BIRC6: variants seen among roughly 807,000 people sequenced by gnomAD.
BIRC6 encodes the protein dual E2 ubiquitin-conjugating enzyme/E3 ubiquitin-protein ligase BIRC6.
Under a neutral mutation model 503.3 loss-of-function variants are expected in BIRC6, and 98 were observed. The observed-to-expected ratio is 0.19, with a 90% CI of 0.17 to 0.23. The LOEUF is 0.23. BIRC6 is among the 10% of genes least tolerant of loss of function. The pLI, the probability that BIRC6 is intolerant of heterozygous loss-of-function variation, is 1.00. For missense variants in BIRC6, 5,360 were observed against 5,806.0 expected, an observed-to-expected ratio of 0.92 and a Z score of 2.50; for synonymous variants, 2,240 against 2,078.7, an observed-to-expected ratio of 1.08 and a Z score of -2.11.
chr2:32,563,495 A>C (rs1356879751), intron 65 of BIRC6: 1 of 152,238 alleles, frequency 6.6e-6, no homozygotes, highest in Non-Finnish European at 1.5e-5. Context: ...TATATTTGAA[A>C]AATAAAAACA....
intron 41 of BIRC6, 135 bp downstream of exon 41, chr2:32,487,936 A>C (rs1375040932): frequency 1.4e-6 from 1 of 709,020 alleles, no homozygotes; most frequent in African/African-American, 1.8e-5. Context: ...AATATTAGAA[A>C]TACTTTGATT....
intron 61 of BIRC6, among the ~76,000 whole-genome samples, chr2:32,533,527 A>C (rs2056949588): frequency 6.6e-6 from 1 of 152,230 alleles, no homozygotes. Context: ...GATATTTGCT[A>C]TCAGAAAAGC....
intron 66 of BIRC6, among the ~76,000 whole-genome samples, chr2:32,581,373 G>A (rs2060662850): frequency 6.6e-6 from 1 of 152,154 alleles, no homozygotes; most frequent in Non-Finnish European, 1.5e-5. Flanking sequence ...AAAACTGAAG[G>A]AAATTTTCTT....
chr2:32,369,964 ATATATATATATATATATATATG>A lies in BIRC6; in HGVS notation c.326-7620_326-7599del, dbSNP rs1158768856. Among the ~76,000 whole-genome samples, 61 of 59,738 alleles carry A rather than the reference ATATATATATATATATATATATG, an allele frequency of 1.0e-3. 2 individuals are homozygous for A. The highest frequency in any genetic ancestry group is 7.6e-3 in the Middle Eastern group (1 of 132). 39.2% of individuals were successfully genotyped at this position (59,738 alleles called of 152,430 possible). ...AAAAAAAATATATATATATATATAT[ATATATATATATATATATATATG>A]TATGTATGTATGTGTGTGTATATAT... is the stretch of plus-strand genomic sequence containing the variant. On this transcript the variant is annotated intron_variant, in intron 1 of 73. Transcript: ENST00000421745.
intron 26 of BIRC6, among the ~76,000 whole-genome samples, chr2:32,465,390 A>T (rs1273566119): frequency 3.0e-4 from 45 of 151,838 alleles, no homozygotes; most frequent in African/African-American, 1.1e-3. Context: ...TGATCTATAT[A>T]TGAATCTTGC....
chr2:32,512,840 T>C, intron 53 of BIRC6, 93 bp from the exon 54 acceptor site: 1 of 902,064 alleles, frequency 1.1e-6, no homozygotes, highest in Middle Eastern at 3.2e-4. Flanking sequence ...TTCTCATAAA[T>C]ACCCTACTCA....
Position 32,525,522 on chromosome 2 carries a change from G to T in BIRC6, c.11814G>T (p.Arg3938Ser). The T allele has an allele frequency of 6.2e-7, 1 of 1,613,940 alleles. No individual in the cohort carries two copies. The highest frequency in any genetic ancestry group is 8.5e-7 in the Non-Finnish European group (1 of 1,179,880). Residue 3938 changes from arginine to serine, a missense_variant, in exon 59 of 74, where the codon AGG (arginine) becomes AGT (serine). Transcript: ENST00000421745. Reference sequence around the variant, plus strand: ...CTACACCACCTCGCCCACCATCCAGGAGGGGGAGGACAATACCTGATAAAA... The same window carrying T: ...CTACACCACCTCGCCCACCATCCAGTAGGGGGAGGACAATACCTGATAAAA... The part of the protein sequence containing the change: ...VSATPPRPPS[R>S]RGRTIPDKIG...
intron 65 of BIRC6, chr2:32,557,466 A>G (rs149502716): frequency 6.6e-6 from 1 of 152,178 alleles, no homozygotes; most frequent in Non-Finnish European, 1.5e-5. Context: ...TTCAGTGTCC[A>G]TATTCATTGC....
In BIRC6 at chr2:32,515,687, C is replaced by A; in HGVS notation, c.11266C>A (p.Arg3756Ser). ...AATTGLTTQQRTAIENATVAF... is the reference protein window; with the variant it reads ...AATTGLTTQQSTAIENATVAF... ...TACAACAGGACTGACTACTCAACAG[C>A]GCACAGCAATTGAGAATGCAACTGT... The change falls in exon 55 of 74, where the codon CGC becomes AGC. Residue 3756 changes from arginine (R) to serine (S), a missense_variant. Physicochemically the swap from Arg to Ser is moderately radical, Grantham distance 110. This residue lies in a region of BIRC6 where 878 missense variants were observed against 928.9 expected (regional missense o/e 0.95). Transcript: ENST00000421745. The A allele has an allele frequency of 6.2e-7, 1 of 1,605,838 alleles. No homozygotes were observed.
intron 28 of BIRC6, 79 bp from the exon 29 acceptor site, chr2:32,468,358 G>C: frequency 1.6e-6 from 2 of 1,247,116 alleles, no homozygotes; most frequent in Non-Finnish European, 2.2e-6. Flanking sequence ...AGGTTTAAGA[G>C]ATTTAATTCT....
intron 50 of BIRC6, among the ~76,000 whole-genome samples, chr2:32,505,704 C>G (rs1377534126): frequency 6.6e-6 from 1 of 152,092 alleles, no homozygotes; most frequent in African/African-American, 2.4e-5. Context: ...TGTCAGTATC[C>G]TTGTAATATT....
intron 26 of BIRC6, among the ~76,000 whole-genome samples, chr2:32,465,791 G>A (rs979017753): frequency 5.9e-5 from 9 of 152,208 alleles, no homozygotes; most frequent in African/African-American, 2.2e-4. Context: ...CATGGTTATA[G>A]TATACACTGT....
chr2:32,560,662 C>A (rs547254070), intron 65 of BIRC6, among the ~76,000 whole-genome samples: 1 of 152,222 alleles, frequency 6.6e-6, no homozygotes, highest in East Asian at 1.9e-4. Context: ...GGCACTGCAG[C>A]CTTCAATTCT....
At position 32,597,947 on chromosome 2, in the gene BIRC6, G is replaced by A. The variant is rs1355516935; in HGVS notation, c.13809G>A (p.Glu4603=). Residue 4603 remains glutamate (E), a synonymous_variant, in exon 69 of 74, where the codon GAG becomes GAA. Coordinates refer to ENST00000421745, the MANE Select transcript of BIRC6 (RefSeq NM_016252.4). ...SSSSVFVRCD[E]ERLDIMKVLI... ...CTAGTGTGTTTGTACGCTGTGATGA[G>A]GAGCGACTTGATATCATGAAGGTAA... 6.2e-7 allele frequency: 1 copy of A among 1,612,416 alleles called. No homozygotes were observed. Among genetic ancestry groups the A allele is most frequent in the South Asian group, 1.1e-5 (1 of 91,024 alleles).
chr2:32,472,355 T>C (rs2049200697), intron 32 of BIRC6, among the ~76,000 whole-genome samples: 1 of 152,188 alleles, frequency 6.6e-6, no homozygotes, highest in Non-Finnish European at 1.5e-5. Context: ...AGATGTGAGC[T>C]ACTGCACCTG....
chr2:32,540,906 C>G (rs2057614785), intron 61 of BIRC6, among the ~76,000 whole-genome samples: 1 of 151,916 alleles, frequency 6.6e-6, no homozygotes, highest in African/African-American at 2.4e-5. Context: ...TAATATAAGA[C>G]TTAAAAATTT....
intron 8 of BIRC6, among the ~76,000 whole-genome samples, chr2:32,404,136 G>T (rs2040914656): frequency 6.6e-6 from 1 of 151,600 alleles, no homozygotes; most frequent in African/African-American, 2.4e-5. Context: ...CTCCATGTTG[G>T]CCAGGCTGTT....
intron 65 of BIRC6, chr2:32,563,587 G>A (rs1020095286): frequency 6.6e-6 from 1 of 152,092 alleles, no homozygotes; most frequent in Non-Finnish European, 1.5e-5. Flanking sequence ...AAATATTTCA[G>A]TATAAAAAGG....
intron 57 of BIRC6, among the ~76,000 whole-genome samples, chr2:32,521,573 A>G (rs900449256): frequency 2.6e-5 from 4 of 151,470 alleles, no homozygotes; most frequent in South Asian, 2.1e-4. Flanking sequence ...GGTTCAAGCA[A>G]TTCTCCTGCC....
Sources: gnomAD v4.1 joint callset for allele counts (sites outside exome capture counted in the v4.1 genomes callset) on GRCh38, gnomAD v4.1.1 for gene constraint, gnomAD v4.1.1 regional missense constraint, MANE v1.5 for transcripts, NCBI Gene and HGNC (gene_info 2026-07-23, HGNC 2026-07-21) for gene names.